LPP: variants seen among roughly 807,000 people sequenced by gnomAD.
LPP encodes lipoma-preferred partner.
LPP carries 38 observed loss-of-function variants against 60.4 expected under a neutral mutation model. The observed-to-expected ratio is 0.63, with a 90% CI of 0.49 to 0.83. The LOEUF (loss-of-function observed/expected upper bound fraction) is 0.83, where lower values mean the gene tolerates loss of function less well. Ranked by LOEUF, LPP falls within the 40% of genes least tolerant of loss-of-function variation. The probability of loss-of-function intolerance (pLI) is 0.00; values close to 1 mark genes in which losing one functional copy is unlikely to be tolerated. For synonymous variants in LPP, 328 were observed against 290.8 expected (o/e 1.13, Z -1.30); for missense variants, 902 against 783.6 (o/e 1.15, Z -1.80).
At chr3:188,773,673 A>C (rs1736806954) in intron 9 of LPP, among the ~76,000 whole-genome samples, 1 of 152,254 alleles carries the variant, frequency 6.6e-6, no homozygotes, top group Non-Finnish European at 1.5e-5. Context: ...AATAAAATTG[A>C]ATCTTCTAAA....
chr3:188,247,079 G>A (rs759828668), intron 2 of LPP: 20 of 497,656 alleles, frequency 4.0e-5, no homozygotes, highest in Non-Finnish European at 4.7e-5. Context: ...ACTGAGTTCA[G>A]ATCACTCTAA....
chr3:188,398,894 A>G (rs1401834705), intron 3 of LPP, among the ~76,000 whole-genome samples: 1 of 152,246 alleles, frequency 6.6e-6, no homozygotes. Flanking sequence ...TAGAAGAGTC[A>G]GGGAAACGGG....
chr3:188,171,837 A>C (rs979776637), intron 1 of LPP, among the ~76,000 whole-genome samples: 16 of 152,176 alleles, frequency 1.1e-4, no homozygotes, highest in Non-Finnish European at 2.2e-4. Flanking sequence ...GCTTAAGCTT[A>C]TTTTGCAGGC....
intron 6 of LPP, among the ~76,000 whole-genome samples, chr3:188,591,900 G>A (rs1326177741): frequency 6.6e-6 from 1 of 152,066 alleles, no homozygotes; most frequent in Non-Finnish European, 1.5e-5. Context: ...ACTTGGCATG[G>A]GTCTGAATTG....
At chr3:188,495,799 C>G (rs1311332553) in intron 5 of LPP, among the ~76,000 whole-genome samples, 2 of 152,130 alleles carry the variant, frequency 1.3e-5, no homozygotes, top group Non-Finnish European at 2.9e-5. Flanking sequence ...AACAGGGGCA[C>G]AGAAACACCT....
rs145665908 is a variant in LPP, at chr3:188,517,360, A to G, written c.307-7305A>G. ...CAATTTCATCAAAGACAGATGATGG[A>G]AAAAAGATTGATCTAACTTACAACA... On this transcript the variant is annotated intron_variant, in intron 5 of 11. Coordinates refer to ENST00000617246, the MANE Select transcript of LPP (RefSeq NM_001375462.1). Among the ~76,000 whole-genome samples the G allele has an allele frequency of 5.4e-4, 82 of 152,358 alleles. 1 individual carries two copies. The highest frequency in any genetic ancestry group is 1.9e-3 in the African/African-American group (77 of 41,576).
At chr3:188,804,443 A>G (rs1189244822) in intron 9 of LPP, among the ~76,000 whole-genome samples, 1 of 151,248 alleles carries the variant, frequency 6.6e-6, no homozygotes, top group Non-Finnish European at 1.5e-5. Flanking sequence ...ATGGAAACAT[A>G]TGGACATACA....
intron 6 of LPP, chr3:188,562,546 A>G (rs1171887553): frequency 6.6e-6 from 1 of 152,070 alleles, no homozygotes; most frequent in Admixed American, 6.6e-5. Flanking sequence ...AAGAATTGAC[A>G]GCCTGGATCT....
chr3:188,360,033 A>C (rs2150932607), intron 3 of LPP, among the ~76,000 whole-genome samples: 1 of 152,036 alleles, frequency 6.6e-6, no homozygotes, highest in East Asian at 1.9e-4. Context: ...CTCTTTTTCA[A>C]CCCATTATTT....
intron 9 of LPP, among the ~76,000 whole-genome samples, chr3:188,825,451 G>C (rs1445872206): frequency 6.6e-6 from 1 of 151,908 alleles, no homozygotes; most frequent in South Asian, 2.1e-4. Context: ...TCGAGAGTTG[G>C]GTGTATATAC....
At chr3:188,583,320 C>T (rs537207408) in intron 6 of LPP, among the ~76,000 whole-genome samples, 1 of 152,250 alleles carries the variant, frequency 6.6e-6, no homozygotes, top group East Asian at 1.9e-4. Context: ...CACACACTGC[C>T]TTTGCTCTGA....
chr3:188,466,804 AACATATATATATAT>A lies in LPP; in HGVS notation c.194-17786_194-17773del, dbSNP rs1482531633. On this transcript the variant is annotated intron_variant, in intron 4 of 11. Coordinates refer to ENST00000617246, the MANE Select transcript of LPP (RefSeq NM_001375462.1). ...AAAAAAGTGGTTTCTGTCATCTCAG[AACATATATATATAT>A]ATATATATATATATATATATATATG... 1.3e-3 allele frequency among the ~76,000 whole-genome samples: 97 copies of A among 72,954 alleles called. 8 individuals carry two copies. The highest frequency in any genetic ancestry group is 3.3e-3 in the African/African-American group (68 of 20,758). 47.9% of individuals were successfully genotyped at this position (72,954 alleles called of 152,430 possible).
At chr3:188,397,804 G>A (rs1781323004) in intron 3 of LPP, among the ~76,000 whole-genome samples, 1 of 152,088 alleles carries the variant, frequency 6.6e-6, no homozygotes, top group Admixed American at 6.6e-5. Context: ...AGTTGAGAAG[G>A]GGTTTCAACA....
chr3:188,247,035 A>C (rs1413951479), intron 2 of LPP: 1 of 203,444 alleles, frequency 4.9e-6, no homozygotes, highest in Non-Finnish European at 8.7e-6. Context: ...CAGTACTTAA[A>C]AGCTTGACAT....
At chr3:188,651,514 T>C (rs1852078352) in intron 7 of LPP, among the ~76,000 whole-genome samples, 1 of 152,216 alleles carries the variant, frequency 6.6e-6, no homozygotes, top group Admixed American at 6.5e-5. Context: ...TGTATATTAG[T>C]CCGTTTTCAC....
At chr3:188,604,199 C>T (rs1841982779) in intron 6 of LPP, among the ~76,000 whole-genome samples, 1 of 151,948 alleles carries the variant, frequency 6.6e-6, no homozygotes, top group Non-Finnish European at 1.5e-5. Context: ...GTAAGCAGCT[C>T]AATGCCTGTT....
At chr3:188,519,744 T>G (rs1454443353) in intron 5 of LPP, among the ~76,000 whole-genome samples, 2 of 152,194 alleles carry the variant, frequency 1.3e-5, no homozygotes, top group Admixed American at 1.3e-4. Flanking sequence ...AAAGCTAGTG[T>G]GATGAAATGG....
chr3:188,285,194 A>G (rs1743510342), intron 2 of LPP, among the ~76,000 whole-genome samples: 2 of 152,040 alleles, frequency 1.3e-5, no homozygotes, highest in African/African-American at 4.8e-5. Flanking sequence ...ATTTATTGTG[A>G]TAGTGCTTTG....
Position 188,367,028 on chromosome 3 carries a change from G to C in LPP, c.-10+25309G>C, listed in dbSNP as rs182945569. Reference sequence around the variant, plus strand: ...TCTCCTGCCTCAGCCTCCCGAATAGGTGGGACTACAGGCACCCGCCACCAT... The same window carrying C: ...TCTCCTGCCTCAGCCTCCCGAATAGCTGGGACTACAGGCACCCGCCACCAT... On this transcript the variant is annotated intron_variant, in intron 3 of 11. Transcript: ENST00000617246. 3.5e-3 allele frequency among the ~76,000 whole-genome samples: 537 copies of C among 151,992 alleles called. 9 individuals carry two copies. Among genetic ancestry groups the C allele is most frequent in the African/African-American group, 0.013 (525 of 41,456 alleles).
Sources: gnomAD v4.1 joint callset for allele counts (sites outside exome capture counted in the v4.1 genomes callset) on GRCh38, gnomAD v4.1.1 for gene constraint, MANE v1.5 for transcripts, NCBI Gene and HGNC (gene_info 2026-07-23, HGNC 2026-07-21) for gene names.